The following TRIM66 variants were observed in gnomAD, a reference collection of about 807,000 sequenced individuals.
The protein encoded by TRIM66 is tripartite motif-containing protein 66.
In TRIM66, 99 loss-of-function variants were observed where a neutral mutation model predicts 148.2. That is an observed-to-expected ratio of 0.67 (90% CI 0.57 to 0.79). The LOEUF (loss-of-function observed/expected upper bound fraction) is 0.79, where lower values mean the gene tolerates loss of function less well. TRIM66 is among the 30% of genes least tolerant of loss of function. The probability of loss-of-function intolerance (pLI) is 0.00; values close to 1 mark genes in which losing one functional copy is unlikely to be tolerated. For synonymous variants in TRIM66, 616 were observed against 635.9 expected (o/e 0.97, Z 0.47); for missense variants, 1,666 against 1,697.9 (o/e 0.98, Z 0.33).
intron 12 of TRIM66, among the ~76,000 whole-genome samples, chr11:8,643,403 G>A (rs1003210088): frequency 2.0e-5 from 3 of 150,612 alleles, no homozygotes; most frequent in South Asian, 2.1e-4. Flanking sequence ...GCAGTGGCGC[G>A]ATCTTAGCTC....
At chr11:8,654,130 G>T (rs147693869) in intron 6 of TRIM66, among the ~76,000 whole-genome samples, 4 of 152,360 alleles carry the variant, frequency 2.6e-5, no homozygotes, top group African/African-American at 9.6e-5. Context: ...TGAAAAAAGA[G>T]AAAGAACTGA....
At chr11:8,631,150 G>A (rs1191426225) in intron 15 of TRIM66, among the ~76,000 whole-genome samples, 4 of 152,208 alleles carry the variant, frequency 2.6e-5, no homozygotes, top group Admixed American at 6.5e-5. Flanking sequence ...ACAGGTCCAA[G>A]ACTAGGAATC....
Position 8,622,835 on chromosome 11 carries a change from T to C in TRIM66, c.3061A>G (p.Lys1021Glu). The C allele has an allele frequency of 1.3e-6, 2 of 1,551,988 alleles. No homozygotes were observed. Among genetic ancestry groups the C allele is most frequent in the Non-Finnish European group, 1.7e-6 (2 of 1,147,040 alleles). The change falls in exon 18 of 25, where the codon AAA becomes GAA. Residue 1021 changes from lysine to glutamate, a missense_variant. Lys to Glu is a moderately conservative substitution (Grantham distance 56). Around this residue, in one of 3 missense-constraint regions of TRIM66, gnomAD observed 1,431 missense variants for 1,412.4 expected, o/e 1.01. Transcript: ENST00000646038. ...TGTTACCTGATGCTCTGGTTCTCTT[T>C]TGCATCCAGCTCTAGGGCTCCTTGT... is the stretch of plus-strand genomic sequence containing the variant. ...FEQGALELDA[K>E]ENQSIRAFNS...
intron 15 of TRIM66, among the ~76,000 whole-genome samples, chr11:8,637,329 T>G (rs1416668459): frequency 6.6e-6 from 1 of 150,920 alleles, no homozygotes; most frequent in Non-Finnish European, 1.5e-5. Context: ...TGCATATATA[T>G]ATATATATAT....
At chr11:8,656,283 T>G (rs1459849824) in intron 6 of TRIM66, among the ~76,000 whole-genome samples, 2 of 152,248 alleles carry the variant, frequency 1.3e-5, no homozygotes, top group South Asian at 4.1e-4. Flanking sequence ...TAGTTATAAA[T>G]ACATATTTAA....
intron 15 of TRIM66, among the ~76,000 whole-genome samples, chr11:8,632,453 T>C (rs1327853525): frequency 9.3e-3 from 3 of 324 alleles, no homozygotes; most frequent in Admixed American, 0.062. Context: ...ACATGTTGAT[T>C]TTTTTTTTTT....
At chr11:8,652,522 T>C (rs779504077) in intron 6 of TRIM66, among the ~76,000 whole-genome samples, 13 of 152,166 alleles carry the variant, frequency 8.5e-5, no homozygotes, top group South Asian at 2.1e-4. Flanking sequence ...ATGCATCATA[T>C]ATATGTATAT....
intron 6 of TRIM66, among the ~76,000 whole-genome samples, chr11:8,657,085 C>T (rs114839797): frequency 1.3e-5 from 2 of 152,210 alleles, no homozygotes; most frequent in Non-Finnish European, 2.9e-5. Flanking sequence ...GGGGCCCACA[C>T]ATGTCTGTTT....
intron 6 of TRIM66, among the ~76,000 whole-genome samples, chr11:8,665,086 C>T (rs1379770011): frequency 6.6e-6 from 1 of 151,942 alleles, no homozygotes; most frequent in Non-Finnish European, 1.5e-5. Flanking sequence ...CCTCCCCTGC[C>T]ATCCCTCTAC....
intron 6 of TRIM66, among the ~76,000 whole-genome samples, chr11:8,662,056 G>A (rs1280668448): frequency 6.6e-6 from 1 of 152,174 alleles, no homozygotes; most frequent in African/African-American, 2.4e-5. Flanking sequence ...ATTAAGGCGA[G>A]GAAACTGTTC....
chr11:8,665,920 G>A (rs193013943), intron 6 of TRIM66, among the ~76,000 whole-genome samples: 2 of 152,202 alleles, frequency 1.3e-5, no homozygotes, highest in African/African-American at 4.8e-5. Context: ...CTGCACTCCA[G>A]CCTGGGTGAC....
chr11:8,647,913 C>G, intron 10 of TRIM66, 57 bp downstream of exon 10: 1 of 1,382,922 alleles, frequency 7.2e-7, no homozygotes, highest in Non-Finnish European at 1.0e-6. Context: ...GTGTTGGAAC[C>G]CTGGGTGTGC....
chr11:8,660,486 T>C (rs1473927496), intron 6 of TRIM66, among the ~76,000 whole-genome samples: 1 of 152,236 alleles, frequency 6.6e-6, no homozygotes, highest in African/African-American at 2.4e-5. Context: ...TGCCTGTTCT[T>C]GTAAATAAAG....
chr11:8,641,272 G>C, intron 13 of TRIM66, 120 bp from the exon 14 acceptor site: 1 of 922,896 alleles, frequency 1.1e-6, no homozygotes, highest in Non-Finnish European at 1.6e-6. Context: ...CAGAGATTAA[G>C]AAACTCAACC....
chr11:8,627,910 G>T (rs2035008571), intron 15 of TRIM66, among the ~76,000 whole-genome samples: 1 of 152,104 alleles, frequency 6.6e-6, no homozygotes, highest in African/African-American at 2.4e-5. Flanking sequence ...CTGCAGCCTT[G>T]ACCTCCCAGG....
rs902721314 is a variant in TRIM66, at chr11:8,612,700, G to A, written c.*5244C>T. ...TGACTCCAGCTGAGCCCCAGCAAGG[G>A]AGCAGCCACCGCGCTCCCTAGTCTC... On this transcript the variant is annotated 3_prime_UTR_variant, in exon 25 of 25. Transcript: ENST00000646038. 2.0e-5 allele frequency: 3 copies of A among 152,252 alleles called. No individual in the cohort carries two copies. Among genetic ancestry groups the A allele is most frequent in the African/African-American group, 7.2e-5 (3 of 41,422 alleles). 9.4% of individuals were successfully genotyped at this position (152,252 alleles called of 1,614,324 possible).
intron 15 of TRIM66, among the ~76,000 whole-genome samples, chr11:8,635,378 T>C (rs560436384): frequency 6.6e-6 from 1 of 152,336 alleles, no homozygotes; most frequent in South Asian, 2.1e-4. Context: ...TACAAAGTAT[T>C]ATCACTCAAT....
At chr11:8,620,794 T>C (rs1277867836) in intron 20 of TRIM66, among the ~76,000 whole-genome samples, 1 of 152,090 alleles carries the variant, frequency 6.6e-6, no homozygotes, top group Non-Finnish European at 1.5e-5. Context: ...TAGGCACAAA[T>C]CCACATGCAA....
intron 6 of TRIM66, among the ~76,000 whole-genome samples, chr11:8,661,778 C>T (rs1427030954): frequency 6.6e-6 from 1 of 152,206 alleles, no homozygotes; most frequent in Non-Finnish European, 1.5e-5. Context: ...TTGGCCTCCA[C>T]AGCACTCAAC....
Sources: gnomAD v4.1 joint callset for allele counts (sites outside exome capture counted in the v4.1 genomes callset) on GRCh38, gnomAD v4.1.1 for gene constraint, gnomAD v4.1.1 regional missense constraint, MANE v1.5 for transcripts, NCBI Gene and HGNC (gene_info 2026-07-23, HGNC 2026-07-21) for gene names.